The following SEMA3A variants were observed in gnomAD, a reference collection of about 807,000 sequenced individuals.
SEMA3A encodes the protein semaphorin-3A.
Under a neutral mutation model 97.9 loss-of-function variants are expected in SEMA3A, and 29 were observed. The ratio of observed to expected loss-of-function variants is 0.30; its 90% CI spans 0.22 to 0.40. The LOEUF is 0.40. Ranked by LOEUF, SEMA3A falls within the 10% of genes least tolerant of loss-of-function variation. The probability of loss-of-function intolerance (pLI) is 1.00; values close to 1 mark genes in which losing one functional copy is unlikely to be tolerated. For missense variants in SEMA3A, 763 were observed against 951.3 expected, an observed-to-expected ratio of 0.80 and a Z score of 2.60; for synonymous variants, 321 against 323.7, an observed-to-expected ratio of 0.99 and a Z score of 0.09.
At chr7:84,299,592 C>G (rs1460233899) in intron 3 of SEMA3A, among the ~76,000 whole-genome samples, 6 of 151,304 alleles carry the variant, frequency 4.0e-5, no homozygotes, top group Middle Eastern at 3.4e-3. Flanking sequence ...TTATAAATAC[C>G]AATGGACAGC....
At chr7:84,382,390 A>G (rs1053648552) in intron 1 of SEMA3A, among the ~76,000 whole-genome samples, 3 of 150,230 alleles carry the variant, frequency 2.0e-5, no homozygotes, top group African/African-American at 7.3e-5. Context: ...TACAGGCGTG[A>G]GCCACTGTGC....
At chr7:84,032,477 A>T (rs779019233) in intron 6 of SEMA3A, among the ~76,000 whole-genome samples, 1 of 152,198 alleles carries the variant, frequency 6.6e-6, no homozygotes, top group Non-Finnish European at 1.5e-5. Context: ...TTTAACTGCA[A>T]TATAATTAGC....
chr7:84,027,668 T>C (rs1271799298), intron 6 of SEMA3A, among the ~76,000 whole-genome samples: 3 of 152,162 alleles, frequency 2.0e-5, no homozygotes, highest in Non-Finnish European at 4.4e-5. Flanking sequence ...CATAATTGGC[T>C]TATGGTTTAC....
intron 3 of SEMA3A, among the ~76,000 whole-genome samples, chr7:84,232,069 CACACACATACA>C (rs1799128333): frequency 6.6e-6 from 1 of 150,728 alleles, no homozygotes; most frequent in African/African-American, 2.4e-5. Flanking sequence ...TATATATATA[CACACACATACA>C]TACACACACC....
chr7:84,291,524 C>T (rs1026913647), intron 3 of SEMA3A, among the ~76,000 whole-genome samples: 11 of 151,906 alleles, frequency 7.2e-5, no homozygotes, highest in East Asian at 5.8e-4. Flanking sequence ...TTAAAAATTA[C>T]GTAATGCTGT....
chr7:84,347,739 C>T (rs1456727636), intron 2 of SEMA3A, among the ~76,000 whole-genome samples: 1 of 152,164 alleles, frequency 6.6e-6, no homozygotes, highest in Admixed American at 6.5e-5. Flanking sequence ...TAAAAGAAGA[C>T]AGCCACAACA....
intron 1 of SEMA3A, among the ~76,000 whole-genome samples, chr7:84,156,066 G>A (rs141910726): frequency 3.3e-3 from 509 of 152,064 alleles, no homozygotes; most frequent in Non-Finnish European, 6.1e-3. Flanking sequence ...ATTTTTTAAA[G>A]TTTCTATACA....
At chr7:84,185,979 T>C (rs998448292) in intron 1 of SEMA3A, among the ~76,000 whole-genome samples, 1 of 152,092 alleles carries the variant, frequency 6.6e-6, no homozygotes, top group African/African-American at 2.4e-5. Context: ...CTGATCTCAC[T>C]GTCAGTCAAA....
chr7:84,014,699 ATTCT>A (rs1448099605), intron 6 of SEMA3A, among the ~76,000 whole-genome samples: 2 of 152,114 alleles, frequency 1.3e-5, no homozygotes, highest in South Asian at 4.1e-4. Context: ...CACCATTGTT[ATTCT>A]TTCTTTTAAG....
intron 3 of SEMA3A, among the ~76,000 whole-genome samples, chr7:84,215,413 C>A (rs1249314816): frequency 9.0e-6 from 1 of 110,746 alleles, no homozygotes. Context: ...GTCTTGAACT[C>A]CTGACCTTAG....
chr7:84,326,223 A>G (rs1456025291), intron 2 of SEMA3A, among the ~76,000 whole-genome samples: 1 of 152,184 alleles, frequency 6.6e-6, no homozygotes, highest in Admixed American at 6.6e-5. Context: ...ACAATAGTTT[A>G]GAGGAAAGAT....
chr7:84,240,121 A>C (rs1035850672), intron 3 of SEMA3A, among the ~76,000 whole-genome samples: 1 of 152,198 alleles, frequency 6.6e-6, no homozygotes, highest in Non-Finnish European at 1.5e-5. Context: ...AAAACTAACA[A>C]ACACCAAAAC....
intron 3 of SEMA3A, among the ~76,000 whole-genome samples, chr7:84,286,492 C>T (rs1800591232): frequency 1.3e-5 from 2 of 152,090 alleles, no homozygotes; most frequent in East Asian, 1.9e-4. Context: ...GAAAGAAAAC[C>T]GTATTTAAAG....
intron 5 of SEMA3A, among the ~76,000 whole-genome samples, chr7:84,056,141 T>C (rs1253956944): frequency 6.7e-6 from 1 of 149,520 alleles, no homozygotes; most frequent in Non-Finnish European, 1.5e-5. Flanking sequence ...CAAAAGTTAC[T>C]ATTTGAGGAT....
At chr7:84,388,082 A>T (rs1803446138) in intron 1 of SEMA3A, among the ~76,000 whole-genome samples, 2 of 152,304 alleles carry the variant, frequency 1.3e-5, no homozygotes, top group South Asian at 4.1e-4. Flanking sequence ...GCAGAGAAAT[A>T]CCTGTCCTCT....
At chr7:84,062,754 G>T (rs921869649) in intron 4 of SEMA3A, among the ~76,000 whole-genome samples, 1 of 152,218 alleles carries the variant, frequency 6.6e-6, no homozygotes, top group Non-Finnish European at 1.5e-5. Flanking sequence ...TCCCGCACCT[G>T]GCTTGGAGGG....
At chr7:84,034,524 ACTTTG>A (rs1018700712) in intron 6 of SEMA3A, among the ~76,000 whole-genome samples, 9 of 152,210 alleles carry the variant, frequency 5.9e-5, no homozygotes. Flanking sequence ...TGTAGATAGC[ACTTTG>A]AAGATAATAA....
chr7:83,965,989 G>A (rs35026047), intron 15 of SEMA3A, among the ~76,000 whole-genome samples: 40,952 of 151,038 alleles, frequency 0.27, 5,814 homozygotes, highest in Middle Eastern at 0.37. Flanking sequence ...ACCAATGGGT[G>A]CATTAAAAAA....
chr7:84,163,842 A>ATTT (rs551002141), intron 1 of SEMA3A, among the ~76,000 whole-genome samples: 3 of 126,906 alleles, frequency 2.4e-5, no homozygotes, highest in East Asian at 2.4e-4. Context: ...ACACAGTACT[A>ATTT]TTTTTTTTTT....
Sources: allele counts gnomAD v4.1 joint callset (sites outside exome capture counted in the v4.1 genomes callset), GRCh38; gene constraint gnomAD v4.1.1; transcripts MANE v1.5; gene names NCBI Gene and HGNC (gene_info 2026-07-23, HGNC 2026-07-21).